Variants in RBFOX1 observed in about 807,000 individuals in gnomAD.
RBFOX1 encodes the protein RNA binding protein fox-1 homolog 1.
In RBFOX1, 8 loss-of-function variants were observed where a neutral mutation model predicts 57.7. The observed-to-expected ratio is 0.14, with a 90% CI of 0.08 to 0.25. The LOEUF is 0.25. Among genes scored for constraint, RBFOX1 ranks in the 10% least tolerant of loss-of-function variants. The probability of loss-of-function intolerance (pLI) is 1.00; values close to 1 mark genes in which losing one functional copy is unlikely to be tolerated. For synonymous variants in RBFOX1, 326 were observed against 222.4 expected, an observed-to-expected ratio of 1.47 and a Z score of -4.15; for missense variants, 611 against 548.5, an observed-to-expected ratio of 1.11 and a Z score of -1.14.
chr16:6,855,558 C>A (rs975513296), intron 3 of RBFOX1, among the ~76,000 whole-genome samples: 38 of 149,808 alleles, frequency 2.5e-4, no homozygotes, highest in African/African-American at 8.9e-4. Context: ...GAGGCTGAGG[C>A]AGGAGAATGG....
intron 1 of RBFOX1, among the ~76,000 whole-genome samples, chr16:6,184,322 C>G: frequency 6.6e-6 from 1 of 152,064 alleles, no homozygotes; most frequent in East Asian, 1.9e-4. Context: ...AAAATAAATA[C>G]TCTGGCTGCT....
intron 3 of RBFOX1, among the ~76,000 whole-genome samples, chr16:6,914,431 T>C (rs1200236557): frequency 6.6e-6 from 1 of 151,994 alleles, no homozygotes. Flanking sequence ...GAAAAGACAG[T>C]AGTAAAGGAG....
chr16:6,652,565 C>T (rs1395905906), intron 2 of RBFOX1, among the ~76,000 whole-genome samples: 1 of 152,050 alleles, frequency 6.6e-6, no homozygotes, highest in Non-Finnish European at 1.5e-5. Flanking sequence ...GAAGAGGGAC[C>T]TCACCAGGAA....
At chr16:7,188,231 G>T (rs767781278) in intron 4 of RBFOX1, among the ~76,000 whole-genome samples, 22 of 152,194 alleles carry the variant, frequency 1.4e-4, no homozygotes, top group Admixed American at 1.3e-4. Flanking sequence ...TTCTGCATAG[G>T]CTTCTTGAAA....
intron 3 of RBFOX1, among the ~76,000 whole-genome samples, chr16:6,866,130 C>G (rs1389431845): frequency 1.3e-5 from 2 of 152,082 alleles, no homozygotes; most frequent in Admixed American, 6.6e-5. Flanking sequence ...TTCCCCAGCT[C>G]TTTTTCTATC....
At chr16:7,237,698 A>G (rs770974491) in intron 4 of RBFOX1, among the ~76,000 whole-genome samples, 3 of 152,218 alleles carry the variant, frequency 2.0e-5, no homozygotes, top group Non-Finnish European at 2.9e-5. Flanking sequence ...AATATTATTC[A>G]GCCTTAGAAA....
At chr16:6,402,284 G>A (rs920290949) in intron 2 of RBFOX1, among the ~76,000 whole-genome samples, 16 of 152,106 alleles carry the variant, frequency 1.1e-4, no homozygotes, top group African/African-American at 3.6e-4. Flanking sequence ...AACTTCGGAA[G>A]CTTCCTATGT....
At chr16:5,358,407 A>G (rs554154097) in intron 1 of RBFOX1, among the ~76,000 whole-genome samples, 1 of 152,152 alleles carries the variant, frequency 6.6e-6, no homozygotes, top group Non-Finnish European at 1.5e-5. Context: ...AAATTTTTTA[A>G]AAGTTATTTT....
At chr16:6,307,713 A>G (rs1266716460) in intron 1 of RBFOX1, among the ~76,000 whole-genome samples, 1 of 147,138 alleles carries the variant, frequency 6.8e-6, no homozygotes, top group East Asian at 2.0e-4. Flanking sequence ...TGTTATTTAT[A>G]TATTTCTCTA....
intron 1 of RBFOX1, among the ~76,000 whole-genome samples, chr16:6,161,181 G>T (rs899513052): frequency 6.6e-6 from 1 of 152,148 alleles, no homozygotes; most frequent in African/African-American, 2.4e-5. Flanking sequence ...TTGAGGTCAG[G>T]AGTTGGAGAC....
chr16:5,530,015 A>T (rs1028398606), intron 2 of RBFOX1, among the ~76,000 whole-genome samples: 3 of 152,138 alleles, frequency 2.0e-5, no homozygotes, highest in Non-Finnish European at 4.4e-5. Flanking sequence ...CAGCCCTGAG[A>T]AGGAACCAAC....
intron 3 of RBFOX1, among the ~76,000 whole-genome samples, chr16:5,855,695 A>G (rs2057007112): frequency 6.6e-6 from 1 of 152,090 alleles, no homozygotes; most frequent in African/African-American, 2.4e-5. Context: ...CAAAATTATT[A>G]TAGCTATTAG....
chr16:5,912,797 A>C (rs527735639), intron 4 of RBFOX1, among the ~76,000 whole-genome samples: 1 of 152,306 alleles, frequency 6.6e-6, no homozygotes, highest in African/African-American at 2.4e-5. Context: ...AGTTGACAGG[A>C]GATTAGGAGA....
In RBFOX1 at chr16:7,216,003, G is replaced by A. The variant is rs952291846; in HGVS notation, c.27+163905G>A. Reference sequence around the variant, plus strand: ...CTCCCAAAGTGCTGAGATTACAGGCGTGAGCCACCGCGCCCAGCCTGGATG... The same window carrying A: ...CTCCCAAAGTGCTGAGATTACAGGCATGAGCCACCGCGCCCAGCCTGGATG... On this transcript the variant is annotated intron_variant, in intron 4 of 15. Transcript: ENST00000550418. Among the ~76,000 whole-genome samples, 18 of 152,202 alleles carry A rather than the reference G, an allele frequency of 1.2e-4. No individual in the cohort carries two copies. The South Asian group carries it at 2.7e-3, about 23-fold the overall frequency.
At chr16:5,669,932 C>G (rs1454745606) in intron 3 of RBFOX1, among the ~76,000 whole-genome samples, 3 of 152,152 alleles carry the variant, frequency 2.0e-5, no homozygotes, top group Non-Finnish European at 4.4e-5. Context: ...AGAAACTAAT[C>G]AAAAGCCCAT....
chr16:7,650,432 C>T (rs79069884), intron 11 of RBFOX1, among the ~76,000 whole-genome samples: 20,041 of 151,854 alleles, frequency 0.13, 1,811 homozygotes, highest in East Asian at 0.46. Flanking sequence ...CCCCAATGTG[C>T]CCTGCTTGGG....
chr16:6,574,632 T>G (rs1212979509), intron 2 of RBFOX1, among the ~76,000 whole-genome samples: 1 of 146,708 alleles, frequency 6.8e-6, no homozygotes, highest in Non-Finnish European at 1.5e-5. Flanking sequence ...GTTTCACCGT[T>G]TTAGCCGGGA....
intron 1 of RBFOX1, among the ~76,000 whole-genome samples, chr16:6,219,577 C>G (rs2097358440): frequency 6.6e-6 from 1 of 151,944 alleles, no homozygotes. Context: ...ATTGCTTTAT[C>G]TGTAAAATGA....
At chr16:7,637,813 G>T (rs1407370176) in intron 11 of RBFOX1, among the ~76,000 whole-genome samples, 1 of 152,088 alleles carries the variant, frequency 6.6e-6, no homozygotes, top group Non-Finnish European at 1.5e-5. Flanking sequence ...AGCAAGTGAC[G>T]TGCTCACTTC....
Sources: allele counts gnomAD v4.1 joint callset (sites outside exome capture counted in the v4.1 genomes callset), GRCh38; gene constraint gnomAD v4.1.1; transcripts MANE v1.5; gene names NCBI Gene and HGNC (gene_info 2026-07-23, HGNC 2026-07-21).